CDKAL1: variants seen among roughly 807,000 people sequenced by gnomAD.
CDKAL1 encodes the protein threonylcarbamoyladenosine tRNA methylthiotransferase.
In CDKAL1, 32 loss-of-function variants were observed where a neutral mutation model predicts 68.2. The ratio of observed to expected loss-of-function variants is 0.47; its 90% CI spans 0.35 to 0.63. The LOEUF is 0.63. Ranked by LOEUF, CDKAL1 falls within the 30% of genes least tolerant of loss-of-function variation. CDKAL1 has a pLI of 0.00. For missense variants in CDKAL1, 606 were observed against 696.7 expected (o/e 0.87, Z 1.47); for synonymous variants, 234 against 244.3 (o/e 0.96, Z 0.39).
At chr6:21,041,785 G>A (rs1361367865) in intron 11 of CDKAL1, among the ~76,000 whole-genome samples, 1 of 152,038 alleles carries the variant, frequency 6.6e-6, no homozygotes, top group Non-Finnish European at 1.5e-5. Flanking sequence ...TATGTGGTTA[G>A]TAGCATACAG....
chr6:21,110,916 C>G (rs1029180077), intron 13 of CDKAL1, among the ~76,000 whole-genome samples: 13 of 152,278 alleles, frequency 8.5e-5, no homozygotes, highest in Admixed American at 8.5e-4. Context: ...TTACTGTGAG[C>G]TATGACTGCA....
chr6:20,805,171 G>A (rs1776517386), intron 8 of CDKAL1, among the ~76,000 whole-genome samples: 1 of 152,210 alleles, frequency 6.6e-6, no homozygotes, highest in Middle Eastern at 3.2e-3. Context: ...GTAAAGCACA[G>A]GAAGCCTGTG....
At chr6:21,103,769 A>T (rs1226549691) in intron 12 of CDKAL1, among the ~76,000 whole-genome samples, 1 of 152,202 alleles carries the variant, frequency 6.6e-6, no homozygotes, top group Non-Finnish European at 1.5e-5. Flanking sequence ...CAAGTCCATC[A>T]CACAACTTGT....
At chr6:20,677,545 A>G (rs906435132) in intron 5 of CDKAL1, among the ~76,000 whole-genome samples, 1 of 151,818 alleles carries the variant, frequency 6.6e-6, no homozygotes, top group Non-Finnish European at 1.5e-5. Context: ...CAGCCTCCCT[A>G]GTAGCTGGGA....
intron 8 of CDKAL1, among the ~76,000 whole-genome samples, chr6:20,798,761 A>G (rs1201830463): frequency 8.6e-6 from 1 of 116,824 alleles, no homozygotes; most frequent in Non-Finnish European, 1.7e-5. Flanking sequence ...CGGGGCCTGT[A>G]ATGGGATGGG....
chr6:21,169,926 C>CCA (rs927172978), intron 13 of CDKAL1, among the ~76,000 whole-genome samples: 2 of 131,160 alleles, frequency 1.5e-5, no homozygotes, highest in East Asian at 2.4e-4. Context: ...GAAAGACCCC[C>CCA]CCCACCCCAT....
At chr6:20,744,002 C>A (rs1235729277) in intron 6 of CDKAL1, among the ~76,000 whole-genome samples, 1 of 152,144 alleles carries the variant, frequency 6.6e-6, no homozygotes. Flanking sequence ...AGTATAGAAT[C>A]AGGATCTTTT....
intron 13 of CDKAL1, among the ~76,000 whole-genome samples, chr6:21,160,671 G>A (rs9465976): frequency 7.4e-6 from 1 of 135,178 alleles, no homozygotes; most frequent in Admixed American, 7.2e-5. Flanking sequence ...GTGTGTGTGT[G>A]TGTGTGTCTG....
At chr6:20,955,653 A>C in intron 10 of CDKAL1, 68 bp downstream of exon 10, 1 of 1,367,222 alleles carries the variant, frequency 7.3e-7, no homozygotes, top group Non-Finnish European at 1.0e-6. Context: ...TGGCAGCCTC[A>C]GTATCATCAC....
intron 7 of CDKAL1, among the ~76,000 whole-genome samples, chr6:20,761,748 G>T (rs1581529595): frequency 1.3e-5 from 2 of 152,184 alleles, no homozygotes; most frequent in African/African-American, 4.8e-5. Flanking sequence ...GGATCAGTTG[G>T]TGTCAGTGAT....
intron 7 of CDKAL1, among the ~76,000 whole-genome samples, chr6:20,779,550 A>T (rs1775322368): frequency 6.6e-6 from 1 of 152,226 alleles, no homozygotes; most frequent in South Asian, 2.1e-4. Context: ...GAACATTGAC[A>T]TCCTGTGTTC....
At chr6:21,156,608 C>T (rs1392019309) in intron 13 of CDKAL1, among the ~76,000 whole-genome samples, 2 of 151,836 alleles carry the variant, frequency 1.3e-5, no homozygotes, top group East Asian at 3.9e-4. Context: ...TTTTCCAGTG[C>T]CATTTTGTGG....
At chr6:20,783,293 CATT>C (rs1775513830) in intron 8 of CDKAL1, among the ~76,000 whole-genome samples, 1 of 152,152 alleles carries the variant, frequency 6.6e-6, no homozygotes, top group Non-Finnish European at 1.5e-5. Flanking sequence ...GCCTTTAAAA[CATT>C]AGTATTTCAG....
intron 5 of CDKAL1, among the ~76,000 whole-genome samples, chr6:20,717,373 T>A (rs959053919): frequency 7.3e-5 from 11 of 151,616 alleles, no homozygotes; most frequent in African/African-American, 1.2e-4. Context: ...AAAGGATAAT[T>A]TACAGGACCA....
chr6:20,776,815 A>G (rs767931511), intron 7 of CDKAL1, among the ~76,000 whole-genome samples: 8 of 152,168 alleles, frequency 5.3e-5, no homozygotes, highest in Non-Finnish European at 8.8e-5. Context: ...AAAACAGTGT[A>G]AGTCTGTGGT....
intron 4 of CDKAL1, among the ~76,000 whole-genome samples, chr6:20,605,728 C>T (rs1462120913): frequency 6.6e-6 from 1 of 152,168 alleles, no homozygotes; most frequent in Non-Finnish European, 1.5e-5. Flanking sequence ...GTGTGCTTTA[C>T]TCAGTGCCCC....
At chr6:21,110,865 C>G (rs1386872908) in intron 13 of CDKAL1, among the ~76,000 whole-genome samples, 2 of 152,050 alleles carry the variant, frequency 1.3e-5, no homozygotes, top group Non-Finnish European at 2.9e-5. Context: ...CTACCGGGGA[C>G]AGGTTTAGGC....
chr6:20,818,371 G>T (rs1777136169), intron 8 of CDKAL1, among the ~76,000 whole-genome samples: 1 of 152,046 alleles, frequency 6.6e-6, no homozygotes, highest in African/African-American at 2.4e-5. Context: ...TTATCAGATT[G>T]TATTATAAAT....
At position 21,106,700 on chromosome 6, in the gene CDKAL1, G is replaced by A. The variant is rs1014547277; in HGVS notation, c.1237-1701G>A. On this transcript the variant is annotated intron_variant, in intron 12 of 15. Transcript: ENST00000274695. The stretch of plus-strand genomic sequence containing the variant: ...AATCTGGAGATGACTTAAAGCATAC[G>A]GGAGGATGTGTATAGGTTATATGCG... 1.7e-4 allele frequency among the ~76,000 whole-genome samples: 26 copies of A among 152,190 alleles called. 1 individual carries two copies. The highest frequency in any genetic ancestry group is 5.8e-4 in the African/African-American group (24 of 41,448).
Sources: allele counts gnomAD v4.1 joint callset (sites outside exome capture counted in the v4.1 genomes callset), GRCh38; gene constraint gnomAD v4.1.1; transcripts MANE v1.5; gene names NCBI Gene and HGNC (gene_info 2026-07-23, HGNC 2026-07-21).